Variants in ATP6V1D observed in about 807,000 individuals in gnomAD.
ATP6V1D encodes the protein V-type proton ATPase subunit D.
In ATP6V1D, 20 loss-of-function variants were observed where a neutral mutation model predicts 39.4. The observed-to-expected ratio is 0.51, with a 90% CI of 0.36 to 0.74. The LOEUF is 0.74. Ranked by LOEUF, ATP6V1D falls within the 30% of genes least tolerant of loss-of-function variation. The probability of loss-of-function intolerance (pLI) is 0.00; values close to 1 mark genes in which losing one functional copy is unlikely to be tolerated. For missense variants in ATP6V1D, 228 were observed against 291.6 expected (o/e 0.78, Z 1.59); for synonymous variants, 100 against 100.5 (o/e 0.99, Z 0.03).
chr14:67,347,406 T>TA lies in ATP6V1D; in HGVS notation c.352+2dup. 6.2e-7 allele frequency: 1 copy of TA among 1,601,618 alleles called. No homozygotes were observed. The highest frequency in any genetic ancestry group is 8.6e-7 in the Non-Finnish European group (1 of 1,169,454). On this transcript the variant is annotated splice_region_variant and intron_variant, in intron 5 of 8. Coordinates refer to ENST00000216442, the MANE Select transcript of ATP6V1D (RefSeq NM_015994.4). ...AAAGTAATACAAAAAGTTTCACACT[T>TA]ACTGTCAGTTCCTTCATGGTAATGT... is the stretch of plus-strand genomic sequence containing the variant.
chr14:67,351,420 A>G (rs575022769), intron 2 of ATP6V1D, among the ~76,000 whole-genome samples: 2 of 152,372 alleles, frequency 1.3e-5, no homozygotes, highest in Non-Finnish European at 2.9e-5. Flanking sequence ...TAATCATTTT[A>G]GGTCTTTTCT....
At position 67,343,226 on chromosome 14, in the gene ATP6V1D, G is replaced by A. The variant is rs1009621540; in HGVS notation, c.523+146C>T. On this transcript the variant is annotated intron_variant, in intron 7 of 8. Coordinates refer to ENST00000216442, the MANE Select transcript of ATP6V1D (RefSeq NM_015994.4). The stretch of plus-strand genomic sequence containing the variant: ...TCATAACACTTTTTTTTTTTACTAT[G>A]GACACACTTCTCTCTTTGCACTGTG... The A allele has an allele frequency of 5.7e-6, 3 of 523,902 alleles. No homozygotes were observed. In the Admixed American group the frequency reaches 1.1e-4, roughly 19 times the overall value. The allele number at this position is 523,902 out of a possible 1,614,324, so 32.5% of individuals were successfully genotyped here. A position where few individuals can be genotyped will look rare whatever the true frequency, so the allele number is the denominator to read the frequency against.
intron 8 of ATP6V1D, among the ~76,000 whole-genome samples, chr14:67,339,615 A>T (rs2085564735): frequency 6.6e-6 from 1 of 152,200 alleles, no homozygotes; most frequent in Admixed American, 6.5e-5. Context: ...ATGGACATGC[A>T]TAATTTCTCT....
chr14:67,354,329 G>GTT (rs1385440465), intron 1 of ATP6V1D, among the ~76,000 whole-genome samples: 1 of 152,126 alleles, frequency 6.6e-6, no homozygotes, highest in East Asian at 1.9e-4. Flanking sequence ...TATTTGATTT[G>GTT]TAAGTTAAAA....
intron 1 of ATP6V1D, among the ~76,000 whole-genome samples, chr14:67,358,619 G>A (rs962492211): frequency 7.2e-5 from 11 of 152,160 alleles, no homozygotes; most frequent in African/African-American, 1.7e-4. Context: ...AGGATCACTT[G>A]AGCCCAGGGG....
At chr14:67,347,502 C>CTTTT (rs71129819) in intron 4 of ATP6V1D, 49 bp from the exon 5 acceptor site, 102 of 1,112,318 alleles carry the variant, frequency 9.2e-5, no homozygotes, top group South Asian at 1.4e-4. Context: ...TAAGTTCTCT[C>CTTTT]TTTTTTTTTT....
chr14:67,350,495 T>C (rs750159825), intron 3 of ATP6V1D, 116 bp downstream of exon 3: 26 of 779,950 alleles, frequency 3.3e-5, no homozygotes, highest in Non-Finnish European at 5.0e-5. Context: ...TTTCTTATTA[T>C]TACTATATCA....
In ATP6V1D at chr14:67,343,448, G is replaced by T. The variant is rs766576696; in HGVS notation, c.457-10C>A. The T allele has an allele frequency of 1.1e-5, 18 of 1,569,698 alleles. No individual in the cohort carries two copies. The highest frequency in any genetic ancestry group is 1.4e-5 in the Non-Finnish European group (16 of 1,140,822). On this transcript the variant is annotated splice_polypyrimidine_tract_variant and intron_variant, in intron 6 of 8. Transcript: ENST00000216442. ...AAGTAACAAAAGAAGTCTAAAATAA[G>T]AACAAATTAATAATGTAAGCACAAA...
At chr14:67,340,579 G>C in intron 7 of ATP6V1D, 61 bp from the exon 8 acceptor site, 1 of 1,328,366 alleles carries the variant, frequency 7.5e-7, no homozygotes, top group Non-Finnish European at 1.1e-6. Flanking sequence ...CAAATTATCA[G>C]TGCTCATTTG....
intron 7 of ATP6V1D, among the ~76,000 whole-genome samples, chr14:67,341,400 G>T (rs2085581279): frequency 6.6e-6 from 1 of 151,278 alleles, no homozygotes; most frequent in Non-Finnish European, 1.5e-5. Context: ...CCGCCCGGCA[G>T]CCGCCCCGTC....
rs181780484 is a variant in ATP6V1D, at chr14:67,340,187, A to T, written c.602+253T>A. ...TTTGACTATCTTAAAACATATATTT[A>T]AAAAAAAAATCAAACCTAAACAGTT... On this transcript the variant is annotated intron_variant, in intron 8 of 8. Coordinates refer to ENST00000216442, the MANE Select transcript of ATP6V1D (RefSeq NM_015994.4). The T allele has an allele frequency of 3.9e-4, 128 of 331,888 alleles. 3 individuals carry two copies. Among genetic ancestry groups the T allele is most frequent in the Admixed American group, 3.7e-3 (90 of 24,458 alleles). 20.6% of individuals were successfully genotyped at this position (331,888 alleles called of 1,614,324 possible).
At chr14:67,341,191 G>C (rs1167754469) in intron 7 of ATP6V1D, among the ~76,000 whole-genome samples, 1 of 152,078 alleles carries the variant, frequency 6.6e-6, no homozygotes, top group African/African-American at 2.4e-5. Context: ...AAAGTGAGGA[G>C]CGTCTGTGAC....
At chr14:67,343,548 A>G in intron 6 of ATP6V1D, 110 bp from the exon 7 acceptor site, 1 of 810,148 alleles carries the variant, frequency 1.2e-6, no homozygotes, top group African/African-American at 1.7e-5. Flanking sequence ...AACCAAGACA[A>G]CTTCTTTTTG....
At chr14:67,354,972 C>G (rs2085676146) in intron 1 of ATP6V1D, among the ~76,000 whole-genome samples, 1 of 152,006 alleles carries the variant, frequency 6.6e-6, no homozygotes, top group Admixed American at 6.6e-5. Flanking sequence ...CGTCACCATG[C>G]CTGGCTAATT....
chr14:67,347,090 C>T (rs1406383108), intron 5 of ATP6V1D, among the ~76,000 whole-genome samples: 1 of 152,052 alleles, frequency 6.6e-6, no homozygotes, highest in Non-Finnish European at 1.5e-5. Flanking sequence ...CTCAAGCAAT[C>T]CTCCCTCCTC....
At chr14:67,342,335 A>G (rs987199918) in intron 7 of ATP6V1D, among the ~76,000 whole-genome samples, 6 of 152,010 alleles carry the variant, frequency 3.9e-5, no homozygotes, top group Admixed American at 3.3e-4. Flanking sequence ...CTATGCATAG[A>G]TAACCTATTG....
intron 4 of ATP6V1D, among the ~76,000 whole-genome samples, chr14:67,348,091 T>A (rs962368518): frequency 1.3e-4 from 19 of 151,468 alleles, no homozygotes; most frequent in Admixed American, 1.1e-3. Context: ...TTTTTTTTTT[T>A]AAAGATGAGT....
At chr14:67,346,166 T>A (rs185247243) in intron 5 of ATP6V1D, among the ~76,000 whole-genome samples, 1 of 152,234 alleles carries the variant, frequency 6.6e-6, no homozygotes, top group Non-Finnish European at 1.5e-5. Flanking sequence ...TACTGCCTGA[T>A]GCCCAGAGTA....
chr14:67,354,798 C>T (rs552133756), intron 1 of ATP6V1D, among the ~76,000 whole-genome samples: 1 of 152,174 alleles, frequency 6.6e-6, no homozygotes, highest in South Asian at 2.1e-4. Flanking sequence ...CTACTATATT[C>T]TTTTGTACCT....
Sources: allele counts gnomAD v4.1 joint callset (sites outside exome capture counted in the v4.1 genomes callset), GRCh38; gene constraint gnomAD v4.1.1; transcripts MANE v1.5; gene names NCBI Gene and HGNC (gene_info 2026-07-23, HGNC 2026-07-21).